Variants in CAPN5 observed in about 807,000 individuals in gnomAD.
CAPN5 encodes calpain 5.
CAPN5 carries 54 observed loss-of-function variants against 73.0 expected under a neutral mutation model. That is an observed-to-expected ratio of 0.74 (90% CI 0.59 to 0.93). The LOEUF (loss-of-function observed/expected upper bound fraction) is 0.93, where lower values mean the gene tolerates loss of function less well. Among genes scored for constraint, CAPN5 ranks in the 40% least tolerant of loss-of-function variants. The pLI is 0.00. For synonymous variants in CAPN5, 335 were observed against 356.9 expected (o/e 0.94, Z 0.69); for missense variants, 785 against 882.9 (o/e 0.89, Z 1.41).
At chr11:77,100,669 C>A (rs1486434215) in intron 3 of CAPN5, among the ~76,000 whole-genome samples, 1 of 152,218 alleles carries the variant, frequency 6.6e-6, no homozygotes, top group Non-Finnish European at 1.5e-5. Flanking sequence ...TGGACTCCCA[C>A]CCTCAGCCCA....
intron 7 of CAPN5, among the ~76,000 whole-genome samples, chr11:77,116,555 C>T (rs367696171): frequency 9.1e-4 from 139 of 152,318 alleles, no homozygotes; most frequent in African/African-American, 3.2e-3. Context: ...CGCTGTGGCA[C>T]CCAGACCGAG....
chr11:77,072,475 G>A (rs1555033219), intron 1 of CAPN5, among the ~76,000 whole-genome samples: 1 of 152,210 alleles, frequency 6.6e-6, no homozygotes, highest in African/African-American at 2.4e-5. Flanking sequence ...GTGTGCAAGT[G>A]AAGTTGGAAT....
chr11:77,122,297 T>C (rs1555042959), intron 11 of CAPN5, among the ~76,000 whole-genome samples: 1 of 152,072 alleles, frequency 6.6e-6, no homozygotes, highest in East Asian at 1.9e-4. Flanking sequence ...TTTTCTAGGC[T>C]GAGAAGGTAT....
At chr11:77,116,396 C>T in intron 7 of CAPN5, 93 bp downstream of exon 7, 1 of 879,716 alleles carries the variant, frequency 1.1e-6, no homozygotes, top group Non-Finnish European at 1.9e-6. Context: ...AGCCAGGCCT[C>T]TCCTGCATGC....
In CAPN5 at chr11:77,097,464, GTT is replaced by G. The variant is rs58077755; in HGVS notation, c.297+3675_297+3676del. ...AAGGGGTTTCCTGTGTTTCCTTCTA[GTT>G]TTTTTTTTTTTTTTTTTTTTTTTAT... On this transcript the variant is annotated intron_variant, in intron 3 of 12. Coordinates refer to ENST00000648180, the MANE Select transcript of CAPN5 (RefSeq NM_004055.5). Among the ~76,000 whole-genome samples, 442 of 79,714 alleles carry G rather than the reference GTT, an allele frequency of 5.5e-3. 3 individuals are homozygous for G. Among genetic ancestry groups the G allele is most frequent in the African/African-American group, 0.019 (403 of 20,856 alleles). The allele number at this position is 79,714 out of a possible 152,430, so 52.3% of individuals were successfully genotyped here. A position where few individuals can be genotyped will look rare whatever the true frequency, so the allele number is the denominator to read the frequency against.
At chr11:77,098,786 C>T (rs1193780930) in intron 3 of CAPN5, among the ~76,000 whole-genome samples, 3,063 of 79,578 alleles carry the variant, frequency 0.038, no homozygotes, top group East Asian at 0.12. Context: ...GGGCTGACCC[C>T]CCACCTCCCT....
In CAPN5 at chr11:77,119,038, C is replaced by T. The variant is rs782154340; in HGVS notation, c.1176C>T (p.Phe392=). 2.4e-5 allele frequency: 39 copies of T among 1,612,878 alleles called. 1 individual carries two copies. Among genetic ancestry groups the T allele is most frequent in the Middle Eastern group, 1.6e-4 (1 of 6,084 alleles). The change falls in exon 9 of 13, where the codon TTC becomes TTT. Residue 392 remains phenylalanine (F), a synonymous_variant. Transcript: ENST00000648180. ...CTTGGCCACACCTGCAGTACATCTT[C>T]GAAGTCAAGAAGCCAGAAGATGAAG... ...DTFFQNPQYI[F]EVKKPEDEVL... is the part of the protein sequence containing the mutation.
At position 77,120,816 on chromosome 11, in the gene CAPN5, A is replaced by C. The variant is rs1405692368; in HGVS notation, c.1394A>C (p.Glu465Ala). 1 of 1,614,028 alleles carries C rather than the reference A, an allele frequency of 6.2e-7. No homozygotes were observed. Among genetic ancestry groups the C allele is most frequent in the Non-Finnish European group, 8.5e-7 (1 of 1,180,032 alleles). ...RSVFLRTDQPEGRYVIIPTTF... is the reference protein window; with the variant it reads ...RSVFLRTDQPAGRYVIIPTTF... ...GTCTTCCTGCGCACCGACCAGCCCG[A>C]GGGCCGCTATGTCATCATCCCCACA... The change falls in exon 10 of 13, where the codon GAG becomes GCG. Residue 465 changes from glutamate to alanine, a missense_variant. Coordinates refer to ENST00000648180, the MANE Select transcript of CAPN5 (RefSeq NM_004055.5).
chr11:77,118,470 C>A, intron 8 of CAPN5, 118 bp downstream of exon 8: 1 of 849,500 alleles, frequency 1.2e-6, no homozygotes. Flanking sequence ...TGGGCCTCAG[C>A]AAACCTGTCT....
chr11:77,095,064 A>T (rs1950193558), intron 3 of CAPN5, among the ~76,000 whole-genome samples: 1 of 152,198 alleles, frequency 6.6e-6, no homozygotes, highest in South Asian at 2.1e-4. Flanking sequence ...GTAGTCCTGC[A>T]GGGTAGGAGC....
chr11:77,077,377 A>T (rs1949982220), intron 1 of CAPN5, among the ~76,000 whole-genome samples: 1 of 152,020 alleles, frequency 6.6e-6, no homozygotes, highest in African/African-American at 2.4e-5. Context: ...ATTTTAAAAA[A>T]GTCTTTTTTT....
intron 11 of CAPN5, 45 bp from the exon 12 acceptor site, chr11:77,122,531 G>GCCCCCCCCCCCCCCCGCC: frequency 8.1e-7 from 1 of 1,228,404 alleles, no homozygotes; most frequent in African/African-American, 1.5e-5. Flanking sequence ...CCCTGCCACA[G>GCCCCCCCCCCCCCCCGCC]CCCCCACCCC....
chr11:77,113,843 A>G (rs1265852493), intron 4 of CAPN5, among the ~76,000 whole-genome samples: 3 of 152,214 alleles, frequency 2.0e-5, no homozygotes, highest in Non-Finnish European at 4.4e-5. Context: ...ATGGAAACAT[A>G]CAATTCAGTG....
intron 2 of CAPN5, chr11:77,087,821 T>C: frequency 1.5e-6 from 2 of 1,361,892 alleles, no homozygotes; most frequent in Non-Finnish European, 2.0e-6. Flanking sequence ...GGTTGGGACA[T>C]CCCATCTCCT....
At chr11:77,084,410 C>T (rs1402630743) in intron 1 of CAPN5, among the ~76,000 whole-genome samples, 2 of 152,156 alleles carry the variant, frequency 1.3e-5, no homozygotes, top group Non-Finnish European at 2.9e-5. Context: ...CAAGGTTTTC[C>T]CACACCAGGC....
intron 2 of CAPN5, among the ~76,000 whole-genome samples, chr11:77,091,121 C>T (rs567099126): frequency 6.6e-6 from 1 of 152,300 alleles, no homozygotes; most frequent in Non-Finnish European, 1.5e-5. Flanking sequence ...AACTCTGGTT[C>T]TTCCGGGCAG....
chr11:77,085,246 T>A (rs1591117550), intron 2 of CAPN5, among the ~76,000 whole-genome samples, 195 bp downstream of exon 2: 1 of 152,160 alleles, frequency 6.6e-6, no homozygotes, highest in African/African-American at 2.4e-5. Context: ...TGGCCACCAC[T>A]GGATTGGTTG....
intron 1 of CAPN5, among the ~76,000 whole-genome samples, chr11:77,084,645 T>C (rs574348658): frequency 6.6e-6 from 1 of 152,246 alleles, no homozygotes; most frequent in South Asian, 2.1e-4. Flanking sequence ...GCCTCTGAGC[T>C]TCAGAAACGA....
intron 10 of CAPN5, 23 bp from the exon 11 acceptor site, chr11:77,121,911 T>C: frequency 7.0e-7 from 1 of 1,418,608 alleles, no homozygotes; most frequent in Non-Finnish European, 9.6e-7. Context: ...ATCACTCCCC[T>C]CTCCCCTGCC....
Sources: allele counts gnomAD v4.1 joint callset (sites outside exome capture counted in the v4.1 genomes callset), GRCh38; gene constraint gnomAD v4.1.1; transcripts MANE v1.5; gene names NCBI Gene and HGNC (gene_info 2026-07-23, HGNC 2026-07-21).